Variants in TRAM2 observed in about 807,000 individuals in gnomAD.
TRAM2 encodes translocating chain-associated membrane protein 2.
TRAM2 carries 12 observed loss-of-function variants against 51.0 expected under a neutral mutation model. The ratio of observed to expected loss-of-function variants is 0.24; its 90% confidence interval spans 0.15 to 0.38. The LOEUF (loss-of-function observed/expected upper bound fraction) is 0.38. TRAM2 is among the 10% of genes least tolerant of loss of function. TRAM2 has a pLI of 1.00. For synonymous variants in TRAM2, 175 were observed against 179.4 expected (o/e 0.98, Z 0.20); for missense variants, 361 against 462.0 (o/e 0.78, Z 2.00).
At position 52,519,404 on chromosome 6, in the gene TRAM2, C is replaced by T. The variant is rs577788857; in HGVS notation, c.185-2667G>A. 3.3e-5 allele frequency among the ~76,000 whole-genome samples: 5 copies of T among 152,272 alleles called. No individual in the cohort carries two copies. In the South Asian group the frequency reaches 1.0e-3, roughly 32 times the overall value. ...AACACCACTCATCATTAGGGCACTA[C>T]AAATCAAAACCACAACAAGGTTATC... On this transcript the variant is annotated intron_variant, in intron 2 of 10. Coordinates refer to ENST00000182527, the MANE Select transcript of TRAM2 (RefSeq NM_012288.4).
chr6:52,575,764 A>C (rs183868675), intron 1 of TRAM2, among the ~76,000 whole-genome samples: 2 of 152,346 alleles, frequency 1.3e-5, no homozygotes, highest in African/African-American at 4.8e-5. Flanking sequence ...AGGGAGGACA[A>C]GGAGTCTCAG....
intron 1 of TRAM2, among the ~76,000 whole-genome samples, chr6:52,574,257 T>TG (rs1767727574): frequency 6.6e-6 from 1 of 152,194 alleles, no homozygotes; most frequent in South Asian, 2.1e-4. Flanking sequence ...AGTGTGAAGA[T>TG]GCCCACATTT....
intron 1 of TRAM2, among the ~76,000 whole-genome samples, chr6:52,554,082 A>G (rs1767358141): frequency 6.6e-6 from 1 of 152,096 alleles, no homozygotes; most frequent in African/African-American, 2.4e-5. Context: ...CCAGCCTACC[A>G]GCCCTGAGCA....
rs754527940 is a variant in TRAM2 at position 52,500,727 on chromosome 6, G to C, written c.*2470C>G. The C allele has an allele frequency of 7.2e-5, 11 of 152,332 alleles. No individual in the cohort carries two copies. The South Asian group carries it at 1.2e-3, about 17-fold the overall frequency. The allele number at this position is 152,332 out of a possible 1,614,324, so 9.4% of individuals were successfully genotyped here. On this transcript the variant is annotated 3_prime_UTR_variant, in exon 11 of 11. Transcript: ENST00000182527. The stretch of plus-strand genomic sequence containing the variant: ...GCAAGTGTCCTGGGACAGAGCAATG[G>C]AAACCTACAGGCATGAGAATGAGGG...
chr6:52,516,766 A>G lies in TRAM2; in HGVS notation c.185-29T>C, dbSNP rs372653342. On this transcript the variant is annotated intron_variant, in intron 2 of 10. Coordinates refer to ENST00000182527, the MANE Select transcript of TRAM2 (RefSeq NM_012288.4). ...TGGAGGTAATAAAAGTCCCATCAGCATCCCTGGGGGAAGGAAATACTCTGG... is the reference window on the plus strand; with the variant it reads ...TGGAGGTAATAAAAGTCCCATCAGCGTCCCTGGGGGAAGGAAATACTCTGG... 8 of 1,554,660 alleles carry G rather than the reference A, an allele frequency of 5.1e-6. No individual in the cohort carries two copies. In the African/African-American group the frequency reaches 1.1e-4, roughly 21 times the overall value.
chr6:52,543,647 C>G (rs936245372), intron 1 of TRAM2, among the ~76,000 whole-genome samples: 2 of 152,144 alleles, frequency 1.3e-5, no homozygotes, highest in African/African-American at 4.8e-5. Flanking sequence ...AACCCCTCAC[C>G]GGTGTAGCAC....
chr6:52,564,830 C>A (rs1767562860), intron 1 of TRAM2, among the ~76,000 whole-genome samples: 1 of 152,154 alleles, frequency 6.6e-6, no homozygotes, highest in Admixed American at 6.5e-5. Context: ...AGAATTAACC[C>A]TCTCAGGGCA....
chr6:52,516,407 CT>C, intron 3 of TRAM2: 1 of 597,880 alleles, frequency 1.7e-6, no homozygotes, highest in Non-Finnish European at 3.0e-6. Context: ...CTCCAGACAG[CT>C]TTCTCTCTGT....
chr6:52,502,202 T>C lies in TRAM2; in HGVS notation c.*995A>G, dbSNP rs1215620439. 6.6e-6 allele frequency: 1 copy of C among 152,294 alleles called. No homozygotes were observed. The highest frequency in any genetic ancestry group is 1.5e-5 in the Non-Finnish European group (1 of 68,092). The allele number at this position is 152,294 out of a possible 1,614,324, so 9.4% of individuals were successfully genotyped here. A position where few individuals can be genotyped will look rare whatever the true frequency, so the allele number is the denominator to read the frequency against. ...AGAGATGAAGTCAAGGTAGTAAGTT[T>C]GGCCCCTGACGGGGCTGGCTGGCTC... On this transcript the variant is annotated 3_prime_UTR_variant, in exon 11 of 11. Transcript: ENST00000182527.
At chr6:52,562,875 T>C (rs965364570) in intron 1 of TRAM2, among the ~76,000 whole-genome samples, 5 of 152,242 alleles carry the variant, frequency 3.3e-5, no homozygotes, top group African/African-American at 1.2e-4. Context: ...ACTTTTAGTA[T>C]GTAACCATAC....
intron 1 of TRAM2, among the ~76,000 whole-genome samples, chr6:52,567,160 T>C (rs1376446972): frequency 1.3e-5 from 2 of 152,206 alleles, no homozygotes; most frequent in African/African-American, 2.4e-5. Context: ...CTGGTAGGGC[T>C]GAGAAACCAA....
At chr6:52,545,618 T>C (rs1374968912) in intron 1 of TRAM2, among the ~76,000 whole-genome samples, 10 of 137,706 alleles carry the variant, frequency 7.3e-5, no homozygotes, top group African/African-American at 2.1e-4. Flanking sequence ...CCCCCACCTA[T>C]TGCACACATA....
Position 52,503,047 on chromosome 6 carries a change from C to A in TRAM2, c.*150G>T. The A allele has an allele frequency of 2.9e-6, 2 of 694,938 alleles. No homozygotes were observed. The highest frequency in any genetic ancestry group is 2.5e-6 in the Non-Finnish European group (1 of 394,234). The allele number at this position is 694,938 out of a possible 1,614,324, so 43.0% of individuals were successfully genotyped here. ...AAGAGGAAGCCAAGAAGAAGGAAAG[C>A]GAAACGCCCCCTCCCCCCATTGCAA... On this transcript the variant is annotated 3_prime_UTR_variant, in exon 11 of 11. Coordinates refer to ENST00000182527, the MANE Select transcript of TRAM2 (RefSeq NM_012288.4).
chr6:52,554,504 A>G (rs1261001997), intron 1 of TRAM2, among the ~76,000 whole-genome samples: 1 of 136,194 alleles, frequency 7.3e-6, no homozygotes, highest in East Asian at 2.2e-4. Context: ...TGGGCAACAG[A>G]GTGAGACCCC....
intron 4 of TRAM2, among the ~76,000 whole-genome samples, chr6:52,514,189 T>C (rs1336398488): frequency 6.6e-6 from 1 of 152,154 alleles, no homozygotes; most frequent in East Asian, 1.9e-4. Flanking sequence ...GACCTGCCGA[T>C]GAAATGACTG....
At chr6:52,552,628 G>A (rs986215667) in intron 1 of TRAM2, among the ~76,000 whole-genome samples, 2 of 152,110 alleles carry the variant, frequency 1.3e-5, no homozygotes, top group African/African-American at 2.4e-5. Flanking sequence ...TCTGTGACAC[G>A]GCTTCACTTC....
chr6:52,547,376 A>G (rs1767223296), intron 1 of TRAM2, among the ~76,000 whole-genome samples: 1 of 152,166 alleles, frequency 6.6e-6, no homozygotes, highest in Non-Finnish European at 1.5e-5. Context: ...TGTTAAGACC[A>G]CGCCCTTTCT....
chr6:52,504,992 C>T (rs999459512), intron 9 of TRAM2, among the ~76,000 whole-genome samples: 6 of 152,248 alleles, frequency 3.9e-5, no homozygotes, highest in Admixed American at 1.3e-4. Flanking sequence ...TGGCGACAGA[C>T]GTACGGCCAG....
intron 2 of TRAM2, among the ~76,000 whole-genome samples, 169 bp downstream of exon 2, chr6:52,535,614 G>A (rs1766965450): frequency 6.6e-6 from 1 of 152,204 alleles, no homozygotes; most frequent in South Asian, 2.1e-4. Context: ...CTGGGATGTG[G>A]AGGTTGCAGT....
Sources: allele counts gnomAD v4.1 joint callset (sites outside exome capture counted in the v4.1 genomes callset), GRCh38; gene constraint gnomAD v4.1.1; transcripts MANE v1.5; gene names NCBI Gene and HGNC (gene_info 2026-07-23, HGNC 2026-07-21).